The following SSBP2 variants were observed in gnomAD, a reference collection of about 807,000 sequenced individuals.
The protein encoded by SSBP2 is single-stranded DNA-binding protein 2.
SSBP2 carries 17 observed loss-of-function variants against 61.8 expected under a neutral mutation model. The observed-to-expected ratio is 0.28, with a 90% CI of 0.19 to 0.41. The LOEUF (loss-of-function observed/expected upper bound fraction) is 0.41, where lower values mean the gene tolerates loss of function less well. Ranked by LOEUF, SSBP2 falls within the 10% of genes least tolerant of loss-of-function variation. The probability of loss-of-function intolerance (pLI) is 1.00; values close to 1 mark genes in which losing one functional copy is unlikely to be tolerated. For synonymous variants in SSBP2, 139 were observed against 141.3 expected, an observed-to-expected ratio of 0.98 and a Z score of 0.12; for missense variants, 310 against 458.7, an observed-to-expected ratio of 0.68 and a Z score of 2.96.
chr5:81,593,029 G>T (rs979908102), intron 4 of SSBP2, among the ~76,000 whole-genome samples: 1 of 152,094 alleles, frequency 6.6e-6, no homozygotes. Context: ...GGCTTCAGAC[G>T]ATCAAACTAC....
chr5:81,714,607 A>G (rs2153950115), intron 1 of SSBP2, among the ~76,000 whole-genome samples: 1 of 152,266 alleles, frequency 6.6e-6, no homozygotes, highest in Non-Finnish European at 1.5e-5. Context: ...CTGGCATGAG[A>G]TGGTATCTCA....
intron 14 of SSBP2, among the ~76,000 whole-genome samples, chr5:81,438,168 C>T (rs935682768): frequency 2.6e-5 from 4 of 151,760 alleles, no homozygotes; most frequent in African/African-American, 4.8e-5. Context: ...TGGCCAAACA[C>T]GGTGAAATCA....
chr5:81,568,550 T>C (rs1250633851), intron 4 of SSBP2, among the ~76,000 whole-genome samples: 1 of 152,210 alleles, frequency 6.6e-6, no homozygotes, highest in Non-Finnish European at 1.5e-5. Context: ...TGAATCCTTA[T>C]GAGAGTAAGA....
intron 1 of SSBP2, among the ~76,000 whole-genome samples, chr5:81,721,551 A>T (rs1755545040): frequency 6.6e-6 from 1 of 152,108 alleles, no homozygotes; most frequent in Non-Finnish European, 1.5e-5. Context: ...CAGAAATCTA[A>T]TTCTTTAGCA....
rs563086323 is a variant in SSBP2 at position 81,504,670 on chromosome 5, T to A, written c.372+8958A>T. ...TGCCTAGTTTTCTTTTCTGTTTCATTTTTCTCCCTAGCCCTTATCACAACT... is the reference window on the plus strand; with the variant it reads ...TGCCTAGTTTTCTTTTCTGTTTCATATTTCTCCCTAGCCCTTATCACAACT... On this transcript the variant is annotated intron_variant, in intron 5 of 16. Transcript: ENST00000320672. 5.3e-5 allele frequency among the ~76,000 whole-genome samples: 8 copies of A among 152,196 alleles called. 1 individual carries two copies. The South Asian group carries it at 1.7e-3, about 32-fold the overall frequency.
chr5:81,551,096 G>GAAAAAAAAAAAAAAAAAAAAAAAA (rs35816072), intron 4 of SSBP2, among the ~76,000 whole-genome samples: 2 of 80,222 alleles, frequency 2.5e-5, no homozygotes, highest in Non-Finnish European at 5.0e-5. Context: ...ACTCCATCTC[G>GAAAAAAAAAAAAAAAAAAAAAAAA]AAAAAAAAAA....
chr5:81,654,397 C>G (rs1276100308), intron 1 of SSBP2, among the ~76,000 whole-genome samples: 1 of 152,202 alleles, frequency 6.6e-6, no homozygotes, highest in African/African-American at 2.4e-5. Flanking sequence ...TCAGTTTTCT[C>G]ATGTGTCAAA....
At chr5:81,608,767 T>C (rs926117385) in intron 4 of SSBP2, among the ~76,000 whole-genome samples, 2 of 152,160 alleles carry the variant, frequency 1.3e-5, no homozygotes, top group Non-Finnish European at 2.9e-5. Context: ...TTGAGAATTC[T>C]AGAATGGGGG....
At chr5:81,721,392 C>T (rs1755535056) in intron 1 of SSBP2, among the ~76,000 whole-genome samples, 1 of 152,028 alleles carries the variant, frequency 6.6e-6, no homozygotes. Flanking sequence ...CTACTTCAGA[C>T]TGATGTCCCA....
intron 1 of SSBP2, among the ~76,000 whole-genome samples, chr5:81,696,856 C>T (rs1753640107): frequency 6.6e-6 from 1 of 152,140 alleles, no homozygotes; most frequent in Non-Finnish European, 1.5e-5. Context: ...ACCTTGCATG[C>T]CTTGTGCAGC....
chr5:81,624,605 T>C lies in SSBP2; in HGVS notation c.198-9048A>G, dbSNP rs539343405. On this transcript the variant is annotated intron_variant, in intron 3 of 16. Transcript: ENST00000320672. ...TCAGACTAGGGATGCTCAACCTATA[T>C]AGTGACTGGTATAATACCATCCTAA... 2.5e-4 allele frequency among the ~76,000 whole-genome samples: 38 copies of C among 152,300 alleles called. 1 individual carries two copies. The South Asian group carries it at 7.2e-3, about 29-fold the overall frequency.
chr5:81,579,162 C>A (rs978045296), intron 4 of SSBP2, among the ~76,000 whole-genome samples: 38 of 151,772 alleles, frequency 2.5e-4, no homozygotes, highest in African/African-American at 8.7e-4. Context: ...AGTTTCAAGT[C>A]ATAGAAGAAT....
rs1451533408 is a variant in SSBP2, at chr5:81,455,415, C to T, written c.687+5640G>A. The stretch of plus-strand genomic sequence containing the variant: ...CGGGTGGATCATGAGGTCAGGAGAT[C>T]GAGACCATCCTGGCTAACAAGGTGA... On this transcript the variant is annotated intron_variant, in intron 10 of 16. Transcript: ENST00000320672. 7.3e-5 allele frequency among the ~76,000 whole-genome samples: 4 copies of T among 54,932 alleles called. 2 individuals are homozygous for T. The highest frequency in any genetic ancestry group is 1.2e-4 in the Non-Finnish European group (4 of 32,494). 36.0% of individuals were successfully genotyped at this position (54,932 alleles called of 152,430 possible). A position where few individuals can be genotyped will look rare whatever the true frequency, so the allele number is the denominator to read the frequency against.
intron 4 of SSBP2, among the ~76,000 whole-genome samples, chr5:81,604,020 T>G (rs1200338223): frequency 6.6e-6 from 1 of 152,112 alleles, no homozygotes; most frequent in Non-Finnish European, 1.5e-5. Flanking sequence ...TATTAAACGC[T>G]GTACTACTGA....
chr5:81,564,708 G>GCCC (rs986212507), intron 4 of SSBP2, among the ~76,000 whole-genome samples: 1 of 152,152 alleles, frequency 6.6e-6, no homozygotes, highest in African/African-American at 2.4e-5. Flanking sequence ...CTTAGGCAAA[G>GCCC]CCCCATGCAA....
chr5:81,576,402 A>T (rs2973350), intron 4 of SSBP2, among the ~76,000 whole-genome samples: 104,803 of 151,984 alleles, frequency 0.69, 38,182 homozygotes, highest in African/African-American at 0.91. Flanking sequence ...TGTCTTATAT[A>T]AACTCATTAA....
chr5:81,701,434 A>G (rs1372789336), intron 1 of SSBP2, among the ~76,000 whole-genome samples: 3 of 152,218 alleles, frequency 2.0e-5, no homozygotes, highest in Admixed American at 1.3e-4. Flanking sequence ...TGGAGACACA[A>G]AGTGAGCCCA....
chr5:81,504,088 G>A (rs186360771), intron 5 of SSBP2, among the ~76,000 whole-genome samples: 3 of 152,040 alleles, frequency 2.0e-5, no homozygotes, highest in African/African-American at 4.8e-5. Context: ...CCCGTGACAC[G>A]AGTTTGCTTA....
intron 9 of SSBP2, among the ~76,000 whole-genome samples, chr5:81,465,996 A>T (rs1406788348): frequency 3.9e-5 from 6 of 152,030 alleles, no homozygotes; most frequent in Non-Finnish European, 2.9e-5. Flanking sequence ...AAACTTAAAA[A>T]AAATCCTGCA....
Sources: gnomAD v4.1 joint callset for allele counts (sites outside exome capture counted in the v4.1 genomes callset) on GRCh38, gnomAD v4.1.1 for gene constraint, MANE v1.5 for transcripts, NCBI Gene and HGNC (gene_info 2026-07-23, HGNC 2026-07-21) for gene names.